GNAI1: variants seen among roughly 807,000 people sequenced by gnomAD.
GNAI1 encodes the protein guanine nucleotide-binding protein G(i) subunit alpha-1.
Under a neutral mutation model 38.9 loss-of-function variants are expected in GNAI1, and 11 were observed. The ratio of observed to expected loss-of-function variants is 0.28; its 90% CI spans 0.18 to 0.47. The LOEUF is 0.47. GNAI1 is among the 20% of genes least tolerant of loss of function. GNAI1 has a pLI of 0.99. For synonymous variants in GNAI1, 166 were observed against 145.1 expected (o/e 1.14, Z -1.04); for missense variants, 317 against 436.9 (o/e 0.73, Z 2.45).
In GNAI1 at chr7:80,189,124, T is replaced by C; in HGVS notation, c.196T>C (p.Cys66Arg). The change falls in exon 3 of 8, where the codon TGT becomes CGT. Residue 66 changes from cysteine (C) to arginine (R), a missense_variant. Physicochemically the swap from Cys to Arg is radical, Grantham distance 180. Around this residue, in one of 5 missense-constraint regions of GNAI1, gnomAD observed 40 missense variants for 78.0 expected, o/e 0.51. Transcript: ENST00000649796. ...IHEAGYSEEE[C>R]KQYKAVVYSN... ...TGAAGCTGGTTATTCAGAAGAGGAG[T>C]GTAAACAATACAAAGCAGTGGTCTA... The C allele has an allele frequency of 6.2e-7, 1 of 1,607,204 alleles. No homozygotes were observed. Among genetic ancestry groups the C allele is most frequent in the Non-Finnish European group, 8.5e-7 (1 of 1,177,142 alleles).
At chr7:80,184,270 C>T (rs1788351092) in intron 1 of GNAI1, among the ~76,000 whole-genome samples, 1 of 152,100 alleles carries the variant, frequency 6.6e-6, no homozygotes, top group Non-Finnish European at 1.5e-5. Context: ...GGAACGCGCA[C>T]CTGGAAGAGG....
Position 80,135,084 on chromosome 7 carries a change from A to C in GNAI1, c.-77A>C. ...GAGGCGTTCGAACGCCCGCTAGGAG[A>C]GAGAAAGGATTCCCCTGTGCTTGGA... On this transcript the variant is annotated 5_prime_UTR_variant, in exon 1 of 8. Transcript: ENST00000649796. The C allele has an allele frequency of 1.0e-6, 1 of 974,396 alleles. No individual in the cohort carries two copies. Among genetic ancestry groups the C allele is most frequent in the Non-Finnish European group, 1.4e-6 (1 of 701,846 alleles). 60.4% of individuals were successfully genotyped at this position (974,396 alleles called of 1,614,324 possible). A position where few individuals can be genotyped will look rare whatever the true frequency, so the allele number is the denominator to read the frequency against.
In GNAI1 at chr7:80,219,713, C is replaced by T. The variant is rs1789039088; in HGVS notation, c.*2220C>T. Among the ~76,000 whole-genome samples the T allele has an allele frequency of 6.6e-6, 1 of 152,152 alleles. No homozygotes were observed. The highest frequency in any genetic ancestry group is 1.5e-5 in the Non-Finnish European group (1 of 68,032). ...TAAGTACCATCATCATTTATTCCTT[C>T]AATGGGGAACTTTTTAGTTTAAGTT... On this transcript the variant is annotated 3_prime_UTR_variant, in exon 8 of 8. Coordinates refer to ENST00000649796, the MANE Select transcript of GNAI1 (RefSeq NM_002069.6).
At chr7:80,208,192 A>C (rs1788810115) in intron 5 of GNAI1, among the ~76,000 whole-genome samples, 2 of 152,114 alleles carry the variant, frequency 1.3e-5, no homozygotes, top group African/African-American at 4.8e-5. Flanking sequence ...GAAAACTCAA[A>C]TTCATTTCCT....
chr7:80,219,791 ATGG>A lies in GNAI1; in HGVS notation c.*2303_*2305del, dbSNP rs1244820258. Among the ~76,000 whole-genome samples the A allele has an allele frequency of 6.6e-6, 1 of 152,160 alleles. No homozygotes were observed. Among genetic ancestry groups the A allele is most frequent in the East Asian group, 1.9e-4 (1 of 5,192 alleles). ...TTGGTTACATATGTATACATGTGCC[ATGG>A]TGGTTTGCTGCACCTATCAACCTGT... On this transcript the variant is annotated 3_prime_UTR_variant, in exon 8 of 8. Transcript: ENST00000649796.
intron 1 of GNAI1, among the ~76,000 whole-genome samples, chr7:80,161,731 C>G (rs1787927123): frequency 6.6e-6 from 1 of 152,140 alleles, no homozygotes; most frequent in African/African-American, 2.4e-5. Flanking sequence ...TACTCTGAAT[C>G]ATAGACTAAT....
chr7:80,199,474 G>C (rs906827596), intron 4 of GNAI1, 92 bp downstream of exon 4: 1 of 940,668 alleles, frequency 1.1e-6, no homozygotes, highest in Non-Finnish European at 1.6e-6. Context: ...AGAATTGGCT[G>C]ACACATTCTT....
intron 1 of GNAI1, chr7:80,135,840 C>A (rs879894901): frequency 1.0e-6 from 1 of 984,826 alleles, no homozygotes; most frequent in Non-Finnish European, 1.2e-6. Context: ...CTTAAGTGGT[C>A]AAGGAGCGCT....
At chr7:80,159,569 T>G (rs1787882227) in intron 1 of GNAI1, among the ~76,000 whole-genome samples, 1 of 152,228 alleles carries the variant, frequency 6.6e-6, no homozygotes, top group African/African-American at 2.4e-5. Flanking sequence ...CATGATTGAA[T>G]CAGGGTAATT....
intron 1 of GNAI1, among the ~76,000 whole-genome samples, chr7:80,151,684 A>C (rs749020064): frequency 3.9e-5 from 6 of 152,246 alleles, no homozygotes; most frequent in Non-Finnish European, 7.3e-5. Flanking sequence ...GCATTTCTAC[A>C]TGAAAAAAAT....
chr7:80,191,938 T>C (rs1788486894), intron 3 of GNAI1, among the ~76,000 whole-genome samples: 1 of 152,238 alleles, frequency 6.6e-6, no homozygotes, highest in African/African-American at 2.4e-5. Flanking sequence ...TGTCTTTTTC[T>C]AGTTTTTTTC....
At chr7:80,143,559 T>C (rs758044437) in intron 1 of GNAI1, among the ~76,000 whole-genome samples, 6 of 152,126 alleles carry the variant, frequency 3.9e-5, no homozygotes, top group Non-Finnish European at 8.8e-5. Context: ...CCAAGGTTTA[T>C]TTAGCTCTGT....
intron 1 of GNAI1, among the ~76,000 whole-genome samples, chr7:80,182,005 T>A (rs1788302385): frequency 6.6e-6 from 1 of 152,170 alleles, no homozygotes; most frequent in Admixed American, 6.5e-5. Context: ...TAAAACTTGG[T>A]ACCCTTTGAC....
chr7:80,171,074 A>G (rs1258151988), intron 1 of GNAI1, among the ~76,000 whole-genome samples: 1 of 152,198 alleles, frequency 6.6e-6, no homozygotes, highest in Non-Finnish European at 1.5e-5. Flanking sequence ...TGATTCAACT[A>G]GAAACTAAAG....
At chr7:80,204,556 GGACT>G (rs1788740713) in intron 5 of GNAI1, among the ~76,000 whole-genome samples, 1 of 151,996 alleles carries the variant, frequency 6.6e-6, no homozygotes, top group South Asian at 2.1e-4. Context: ...GAGAACTGTT[GGACT>G]TAAACACAAC....
chr7:80,222,339 G>T lies in GNAI1; in HGVS notation c.*4846G>T, dbSNP rs1279537101. 6.6e-6 allele frequency among the ~76,000 whole-genome samples: 1 copy of T among 151,020 alleles called. No individual in the cohort carries two copies. The highest frequency in any genetic ancestry group is 1.5e-5 in the Non-Finnish European group (1 of 67,832). ...CTTCCTAGGTCTCCATCCGTAAAGTGGATGGAAACACTGTCATTGAAGGAG... is the reference window on the plus strand; with the variant it reads ...CTTCCTAGGTCTCCATCCGTAAAGTTGATGGAAACACTGTCATTGAAGGAG... On this transcript the variant is annotated 3_prime_UTR_variant, in exon 8 of 8. Coordinates refer to ENST00000649796, the MANE Select transcript of GNAI1 (RefSeq NM_002069.6).
At chr7:80,205,243 A>G (rs1002553956) in intron 5 of GNAI1, among the ~76,000 whole-genome samples, 1 of 152,138 alleles carries the variant, frequency 6.6e-6, no homozygotes, top group Admixed American at 6.5e-5. Context: ...AATAATAAAA[A>G]TGCTAGAATT....
intron 1 of GNAI1, among the ~76,000 whole-genome samples, chr7:80,140,454 C>A: frequency 6.6e-6 from 1 of 152,222 alleles, no homozygotes; most frequent in Non-Finnish European, 1.5e-5. Flanking sequence ...TTTTGTTACA[C>A]ATGTCTAACT....
chr7:80,185,134 AC>A (rs1287803113), intron 1 of GNAI1, among the ~76,000 whole-genome samples: 1 of 151,852 alleles, frequency 6.6e-6, no homozygotes, highest in African/African-American at 2.4e-5. Context: ...GAAAAAATTT[AC>A]CCCCCAACCC....
Sources: gnomAD v4.1 joint callset for allele counts (sites outside exome capture counted in the v4.1 genomes callset) on GRCh38, gnomAD v4.1.1 for gene constraint, gnomAD v4.1.1 regional missense constraint, MANE v1.5 for transcripts, NCBI Gene and HGNC (gene_info 2026-07-23, HGNC 2026-07-21) for gene names.